The following CDH4 variants were observed in gnomAD, a reference collection of about 807,000 sequenced individuals.
CDH4 encodes cadherin 4.
Under a neutral mutation model 86.0 loss-of-function variants are expected in CDH4, and 33 were observed. That is an observed-to-expected ratio of 0.38 (90% CI 0.29 to 0.51). CDH4 has a LOEUF of 0.51. Ranked by LOEUF, CDH4 falls within the 20% of genes least tolerant of loss-of-function variation. The pLI, the probability that CDH4 is intolerant of heterozygous loss-of-function variation, is 0.86. For missense variants in CDH4, 1,114 were observed against 1,307.4 expected (o/e 0.85, Z 2.28); for synonymous variants, 555 against 549.4 (o/e 1.01, Z -0.14).
At chr20:61,646,768 C>T (rs1341558586) in intron 2 of CDH4, among the ~76,000 whole-genome samples, 1 of 152,210 alleles carries the variant, frequency 6.6e-6, no homozygotes, top group East Asian at 1.9e-4. Flanking sequence ...AAAAATTCTG[C>T]AGAAACACTT....
chr20:61,873,302 T>G (rs973139397), intron 6 of CDH4, among the ~76,000 whole-genome samples: 1 of 152,228 alleles, frequency 6.6e-6, no homozygotes, highest in Non-Finnish European at 1.5e-5. Context: ...CCTGCTTCAG[T>G]GCCTGAGTCC....
chr20:61,539,387 A>T (rs1421825186), intron 2 of CDH4, among the ~76,000 whole-genome samples: 1 of 152,154 alleles, frequency 6.6e-6, no homozygotes, highest in African/African-American at 2.4e-5. Flanking sequence ...CCCAAGACTA[A>T]GGTGTGGGAA....
chr20:61,335,914 G>A (rs951221621), intron 2 of CDH4, among the ~76,000 whole-genome samples: 1 of 152,176 alleles, frequency 6.6e-6, no homozygotes, highest in African/African-American at 2.4e-5. Context: ...TTGACGCAAG[G>A]ATCTTTTGGT....
chr20:61,263,237 A>G (rs1398208206), intron 2 of CDH4, among the ~76,000 whole-genome samples: 1 of 152,094 alleles, frequency 6.6e-6, no homozygotes, highest in African/African-American at 2.4e-5. Context: ...TTTTCGTCAA[A>G]AGGCTCAGAA....
intron 2 of CDH4, among the ~76,000 whole-genome samples, chr20:61,629,513 C>T (rs540582357): frequency 7.9e-4 from 120 of 152,348 alleles, no homozygotes; most frequent in Non-Finnish European, 1.4e-3. Flanking sequence ...ACTTGTCGCC[C>T]TGGCACGTGT....
At chr20:61,606,896 G>A (rs2086649978) in intron 2 of CDH4, among the ~76,000 whole-genome samples, 1 of 152,260 alleles carries the variant, frequency 6.6e-6, no homozygotes, top group Admixed American at 6.5e-5. Context: ...GCTACCGCCG[G>A]GATGTCCTGG....
intron 2 of CDH4, among the ~76,000 whole-genome samples, chr20:61,439,923 GAA>G (rs1283782171): frequency 6.6e-6 from 1 of 152,206 alleles, no homozygotes; most frequent in African/African-American, 2.4e-5. Flanking sequence ...CTCCTAAATT[GAA>G]TTCCCACTCT....
intron 2 of CDH4, among the ~76,000 whole-genome samples, chr20:61,443,908 ATGTC>A (rs2085327167): frequency 7.1e-6 from 1 of 141,798 alleles, no homozygotes; most frequent in Non-Finnish European, 1.5e-5. Flanking sequence ...GTGTGTGTGT[ATGTC>A]TGTATCTCTG....
chr20:61,764,777 GCC>G (rs1057078323), intron 3 of CDH4, among the ~76,000 whole-genome samples: 11 of 152,192 alleles, frequency 7.2e-5, no homozygotes, highest in African/African-American at 2.2e-4. Context: ...CCCCACTGCT[GCC>G]CACATCCCAG....
chr20:61,294,062 G>A (rs537316898), intron 2 of CDH4, among the ~76,000 whole-genome samples: 10 of 152,170 alleles, frequency 6.6e-5, no homozygotes, highest in Non-Finnish European at 1.5e-4. Context: ...CAGTGTGGGT[G>A]GAGCGTCCGC....
At chr20:61,573,030 T>A (rs201429877) in intron 2 of CDH4, among the ~76,000 whole-genome samples, 102 of 140,412 alleles carry the variant, frequency 7.3e-4, no homozygotes, top group Middle Eastern at 3.7e-3. Context: ...GGATGGATGG[T>A]TGGATGGATG....
chr20:61,654,933 C>T (rs946012782), intron 2 of CDH4, among the ~76,000 whole-genome samples: 5 of 62,790 alleles, frequency 8.0e-5, no homozygotes, highest in East Asian at 3.0e-4. Flanking sequence ...GAGCCAGCCT[C>T]GCTCTGGACA....
chr20:61,657,445 C>A (rs913212247), intron 2 of CDH4, among the ~76,000 whole-genome samples: 1 of 152,234 alleles, frequency 6.6e-6, no homozygotes, highest in African/African-American at 2.4e-5. Flanking sequence ...TTTCAAAGCA[C>A]CTTAATAATG....
At chr20:61,519,998 C>G (rs1186968967) in intron 2 of CDH4, among the ~76,000 whole-genome samples, 1 of 152,192 alleles carries the variant, frequency 6.6e-6, no homozygotes, top group African/African-American at 2.4e-5. Flanking sequence ...ATGAGATTCC[C>G]CAAGACCCTG....
At position 61,933,910 on chromosome 20, in the gene CDH4, A is replaced by T. The variant is rs867427708; in HGVS notation, c.2380-146A>T. On this transcript the variant is annotated intron_variant, in intron 14 of 15. Transcript: ENST00000614565. ...GCATTGTGGAGGGGCACAGCAGGGG[A>T]CAGCATGGTTCTGTGGGATGCTTGG... is the stretch of plus-strand genomic sequence containing the variant. 8.1e-6 allele frequency: 7 copies of T among 861,744 alleles called. No individual in the cohort carries two copies. In the Middle Eastern group the frequency reaches 1.1e-3, roughly 133 times the overall value. 53.4% of individuals were successfully genotyped at this position (861,744 alleles called of 1,614,324 possible). A position where few individuals can be genotyped will look rare whatever the true frequency, so the allele number is the denominator to read the frequency against.
At position 61,252,580 on chromosome 20, in the gene CDH4, C is replaced by A. The variant is rs2084067863; in HGVS notation, c.57+10C>A. On this transcript the variant is annotated intron_variant, in intron 1 of 15. Coordinates refer to ENST00000614565, the MANE Select transcript of CDH4 (RefSeq NM_001794.5). This position sits in a 1 kb window ranked among gnomAD's most constrained non-coding sequence, Gnocchi z 4.4. ...CTCCGGCGCGCTCCGGGTAAGTTGC[C>A]GCCTCCCGCCCCCGCCGTTCGGAAG... 2.7e-5 allele frequency: 33 copies of A among 1,202,396 alleles called. No homozygotes were observed. The highest frequency in any genetic ancestry group is 3.4e-5 in the Non-Finnish European group (33 of 968,520). 74.5% of individuals were successfully genotyped at this position (1,202,396 alleles called of 1,614,324 possible).
intron 2 of CDH4, chr20:61,369,780 C>T (rs1051707081): frequency 6.6e-5 from 10 of 151,422 alleles, no homozygotes; most frequent in Non-Finnish European, 1.2e-4. Context: ...GGCTCGGGGG[C>T]ACTTCAGACA....
At chr20:61,512,440 C>T (rs1454316687) in intron 2 of CDH4, among the ~76,000 whole-genome samples, 1 of 152,210 alleles carries the variant, frequency 6.6e-6, no homozygotes, top group Non-Finnish European at 1.5e-5. Context: ...TAAGCTTCAT[C>T]TGGTCCAAGG....
chr20:61,335,414 A>G (rs2084611852), intron 2 of CDH4, among the ~76,000 whole-genome samples: 1 of 152,228 alleles, frequency 6.6e-6, no homozygotes, highest in Non-Finnish European at 1.5e-5. Context: ...AGATGTGATT[A>G]TTGGCACCAT....
Sources: gnomAD v4.1 joint callset for allele counts (sites outside exome capture counted in the v4.1 genomes callset) on GRCh38, gnomAD v4.1.1 for gene constraint, Gnocchi (gnomAD v3.1) non-coding constraint, MANE v1.5 for transcripts, NCBI Gene and HGNC (gene_info 2026-07-23, HGNC 2026-07-21) for gene names.